The following DGLUCY variants were observed in gnomAD, a reference collection of about 807,000 sequenced individuals.
DGLUCY encodes D-glutamate cyclase, mitochondrial.
A neutral mutation model predicts 58.5 loss-of-function variants in DGLUCY; 58 were observed. The observed-to-expected ratio is 0.99, with a 90% CI of 0.80 to 1.23. DGLUCY has a LOEUF of 1.23. Among genes scored for constraint, DGLUCY ranks in the 50% most tolerant of loss-of-function variants. DGLUCY has a pLI of 0.00. For missense variants in DGLUCY, 779 were observed against 784.7 expected, an observed-to-expected ratio of 0.99 and a Z score of 0.09; for synonymous variants, 325 against 314.1, an observed-to-expected ratio of 1.03 and a Z score of -0.37.
intron 1 of DGLUCY, among the ~76,000 whole-genome samples, chr14:91,154,219 A>G (rs1243481034): frequency 6.6e-6 from 1 of 152,158 alleles, no homozygotes; most frequent in African/African-American, 2.4e-5. Context: ...GCTTGGTTTT[A>G]TACATTTTAG....
chr14:91,135,072 C>T (rs1015735224), intron 1 of DGLUCY, among the ~76,000 whole-genome samples: 3 of 152,088 alleles, frequency 2.0e-5, no homozygotes, highest in African/African-American at 7.2e-5. Context: ...TACAGCCGCA[C>T]ACCACCATGC....
intron 1 of DGLUCY, among the ~76,000 whole-genome samples, chr14:91,155,918 CCTG>C (rs1479996394): frequency 6.6e-6 from 1 of 152,132 alleles, no homozygotes; most frequent in African/African-American, 2.4e-5. Flanking sequence ...GACAGCCACT[CCTG>C]CTCAGGCCCC....
At chr14:91,191,176 C>T (rs1205703681) in intron 9 of DGLUCY, among the ~76,000 whole-genome samples, 3 of 152,158 alleles carry the variant, frequency 2.0e-5, no homozygotes, top group East Asian at 1.9e-4. Context: ...GGATGACCCT[C>T]GAGGACATCT....
chr14:91,162,160 G>A (rs867310570), intron 3 of DGLUCY, among the ~76,000 whole-genome samples: 2 of 152,132 alleles, frequency 1.3e-5, no homozygotes, highest in Admixed American at 6.5e-5. Context: ...GCTGTTCCCC[G>A]CTGCCGTGAA....
chr14:91,077,440 A>AAGGAAG (rs1555388647), intron 1 of DGLUCY, among the ~76,000 whole-genome samples: 2 of 149,332 alleles, frequency 1.3e-5, no homozygotes, highest in Non-Finnish European at 3.0e-5. Flanking sequence ...GGAAGGAAGG[A>AAGGAAG]AGAGAGAGAG....
At chr14:91,066,162 G>T (rs2043815547) in intron 1 of DGLUCY, among the ~76,000 whole-genome samples, 1 of 152,122 alleles carries the variant, frequency 6.6e-6, no homozygotes. Context: ...AGGATCACCT[G>T]AGGTCAGGAG....
chr14:91,102,563 C>A (rs942608889), intron 1 of DGLUCY, among the ~76,000 whole-genome samples: 1 of 152,104 alleles, frequency 6.6e-6, no homozygotes, highest in African/African-American at 2.4e-5. Flanking sequence ...GGCAGAGGAG[C>A]AGTGGTGTCC....
At chr14:91,196,301 T>G (rs2050204435) in intron 9 of DGLUCY, 74 bp from the exon 10 acceptor site, 1 of 1,264,704 alleles carries the variant, frequency 7.9e-7, no homozygotes, top group Non-Finnish European at 1.1e-6. Flanking sequence ...CAAAGAAGCT[T>G]TTGAAAAGCC....
Position 91,225,024 on chromosome 14 carries a change from A to C in DGLUCY, c.*191A>C, listed in dbSNP as rs967503899. The stretch of plus-strand genomic sequence containing the variant: ...AGTGCAGGTGCTGTGGACAAAGGAC[A>C]ACATTTCTCTGGGGCTTTTTAACTT... On this transcript the variant is annotated 3_prime_UTR_variant, in exon 14 of 14. Transcript: ENST00000256324. The C allele has an allele frequency of 1.5e-5, 8 of 521,398 alleles. No individual in the cohort carries two copies. In the East Asian group the frequency reaches 2.7e-4, roughly 18 times the overall value. The allele number at this position is 521,398 out of a possible 1,614,324, so 32.3% of individuals were successfully genotyped here.
intron 1 of DGLUCY, among the ~76,000 whole-genome samples, chr14:91,095,230 A>G (rs919209332): frequency 6.6e-6 from 1 of 152,204 alleles, no homozygotes; most frequent in Non-Finnish European, 1.5e-5. Context: ...TATCACAAAA[A>G]CAGTGACTAT....
intron 1 of DGLUCY, among the ~76,000 whole-genome samples, chr14:91,084,288 C>T (rs930933621): frequency 1.3e-5 from 2 of 151,594 alleles, no homozygotes; most frequent in African/African-American, 4.9e-5. Flanking sequence ...ACTGCAACCT[C>T]CACCTCCTGG....
chr14:91,142,838 TAAAC>T (rs1258346548), intron 1 of DGLUCY, among the ~76,000 whole-genome samples: 91 of 55,014 alleles, frequency 1.7e-3, no homozygotes, highest in Non-Finnish European at 2.2e-3. Flanking sequence ...CCATCTCTAC[TAAAC>T]ACACACACAC....
intron 1 of DGLUCY, among the ~76,000 whole-genome samples, chr14:91,092,279 A>G (rs1259324330): frequency 1.3e-5 from 2 of 152,196 alleles, no homozygotes; most frequent in African/African-American, 4.8e-5. Flanking sequence ...TCTTCTGCAT[A>G]TTCATATCCA....
chr14:91,141,327 T>G (rs1029212137), intron 1 of DGLUCY, among the ~76,000 whole-genome samples: 1 of 150,534 alleles, frequency 6.6e-6, no homozygotes, highest in Non-Finnish European at 1.5e-5. Flanking sequence ...GAGCTGAGAT[T>G]GCACCACTTC....
intron 13 of DGLUCY, among the ~76,000 whole-genome samples, chr14:91,217,325 G>A (rs1290161045): frequency 6.6e-6 from 1 of 152,098 alleles, no homozygotes; most frequent in Non-Finnish European, 1.5e-5. Context: ...CTGGGGAGAT[G>A]GGAAAGCAAA....
At chr14:91,204,442 C>T (rs1007206200) in intron 11 of DGLUCY, among the ~76,000 whole-genome samples, 1 of 152,176 alleles carries the variant, frequency 6.6e-6, no homozygotes, top group Non-Finnish European at 1.5e-5. Flanking sequence ...GAGCATAGAA[C>T]GTGCTCCATC....
At chr14:91,136,416 C>G (rs1313207193) in intron 1 of DGLUCY, among the ~76,000 whole-genome samples, 1 of 152,132 alleles carries the variant, frequency 6.6e-6, no homozygotes, top group African/African-American at 2.4e-5. Context: ...GGCGCTATGG[C>G]TCACACCTGT....
At chr14:91,163,651 AGAGGCCACTCCGT>A (rs1325100037) in intron 3 of DGLUCY, among the ~76,000 whole-genome samples, 1 of 152,180 alleles carries the variant, frequency 6.6e-6, no homozygotes, top group East Asian at 1.9e-4. Flanking sequence ...GCAGCCCAGC[AGAGGCCACTCCGT>A]GATGAAATGA....
chr14:91,221,826 A>G (rs567592059), intron 13 of DGLUCY, among the ~76,000 whole-genome samples: 52 of 152,272 alleles, frequency 3.4e-4, no homozygotes, highest in African/African-American at 1.2e-3. Flanking sequence ...TTACATAAGT[A>G]TACACCCTTG....
Sources: allele counts gnomAD v4.1 joint callset (sites outside exome capture counted in the v4.1 genomes callset), GRCh38; gene constraint gnomAD v4.1.1; transcripts MANE v1.5; gene names NCBI Gene and HGNC (gene_info 2026-07-23, HGNC 2026-07-21).